DNER: variants seen among roughly 807,000 people sequenced by gnomAD.
The protein encoded by DNER is delta/notch like EGF repeat containing, also known as delta and Notch-like epidermal growth factor-related receptor.
DNER carries 33 observed loss-of-function variants against 78.2 expected under a neutral mutation model. The ratio of observed to expected loss-of-function variants is 0.42; its 90% CI spans 0.32 to 0.56. The LOEUF is 0.56. Ranked by LOEUF, DNER falls within the 20% of genes least tolerant of loss-of-function variation. The pLI is 0.11. For missense variants in DNER, 918 were observed against 975.3 expected, an observed-to-expected ratio of 0.94 and a Z score of 0.78; for synonymous variants, 417 against 384.8, an observed-to-expected ratio of 1.08 and a Z score of -0.98.
intron 1 of DNER, among the ~76,000 whole-genome samples, chr2:229,597,009 GCA>G (rs1301884303): frequency 3.4e-5 from 5 of 145,104 alleles, no homozygotes; most frequent in Admixed American, 6.9e-5. Flanking sequence ...ACATATACAT[GCA>G]CACACACATG....
At chr2:229,366,756 AT>A in intron 12 of DNER, 116 bp downstream of exon 12, 1 of 1,482,628 alleles carries the variant, frequency 6.7e-7, no homozygotes, top group Non-Finnish European at 9.1e-7. Context: ...TGTGGAACCT[AT>A]TTTCCATTCT....
intron 7 of DNER, among the ~76,000 whole-genome samples, chr2:229,458,164 A>G (rs1694616378): frequency 6.9e-6 from 1 of 145,836 alleles, no homozygotes; most frequent in Non-Finnish European, 1.5e-5. Context: ...AAAAAAAAGG[A>G]AAGTAAAAGA....
At chr2:229,612,123 G>A (rs114688038) in intron 1 of DNER, among the ~76,000 whole-genome samples, 2,155 of 152,306 alleles carry the variant, frequency 0.014, 44 homozygotes, top group Middle Eastern at 0.048. Context: ...AGTCCTTAAG[G>A]AGTTAAAGTA....
At chr2:229,576,266 G>C (rs1559171721) in intron 4 of DNER, among the ~76,000 whole-genome samples, 1 of 150,908 alleles carries the variant, frequency 6.6e-6, no homozygotes, top group Admixed American at 6.6e-5. Flanking sequence ...CTGGCCCCCA[G>C]AGCAGGGTAT....
chr2:229,377,242 T>G (rs1314927141), intron 11 of DNER, among the ~76,000 whole-genome samples: 1 of 152,214 alleles, frequency 6.6e-6, no homozygotes, highest in Non-Finnish European at 1.5e-5. Context: ...ATTTCTCAAC[T>G]GCAAAATATC....
chr2:229,485,226 C>T (rs1278229338), intron 6 of DNER, among the ~76,000 whole-genome samples: 1 of 152,162 alleles, frequency 6.6e-6, no homozygotes, highest in Admixed American at 6.5e-5. Context: ...CGGGAAAGCC[C>T]TCAACTCAGG....
At chr2:229,651,414 G>A (rs559714446) in intron 1 of DNER, among the ~76,000 whole-genome samples, 61 of 152,312 alleles carry the variant, frequency 4.0e-4, no homozygotes, top group Non-Finnish European at 6.2e-4. Flanking sequence ...GGACACTTGC[G>A]TGTCCTCTCC....
chr2:229,497,794 T>C (rs192505499), intron 6 of DNER, among the ~76,000 whole-genome samples: 149 of 152,152 alleles, frequency 9.8e-4, no homozygotes, highest in Non-Finnish European at 1.7e-3. Flanking sequence ...AGACCAAGAA[T>C]GAGTAAAAGA....
intron 8 of DNER, among the ~76,000 whole-genome samples, chr2:229,426,120 T>C (rs1693871062): frequency 6.6e-6 from 1 of 151,892 alleles, no homozygotes; most frequent in Admixed American, 6.6e-5. Context: ...TCCTGGGAGA[T>C]CAAATATTCC....
At chr2:229,438,047 A>G (rs1694160372) in intron 8 of DNER, among the ~76,000 whole-genome samples, 1 of 152,228 alleles carries the variant, frequency 6.6e-6, no homozygotes, top group Non-Finnish European at 1.5e-5. Flanking sequence ...TCCGGCAGGC[A>G]TCAAATCAAA....
intron 8 of DNER, among the ~76,000 whole-genome samples, chr2:229,441,610 G>A (rs1694236509): frequency 6.6e-6 from 1 of 152,166 alleles, no homozygotes; most frequent in Non-Finnish European, 1.5e-5. Context: ...GCTGTATTTG[G>A]TAAAGAGGAA....
intron 1 of DNER, among the ~76,000 whole-genome samples, chr2:229,689,516 G>A (rs567047945): frequency 1.3e-5 from 2 of 152,208 alleles, no homozygotes; most frequent in South Asian, 4.2e-4. Flanking sequence ...AACCTGGCAG[G>A]ACATCAAGTC....
chr2:229,586,552 ACAC>A, intron 3 of DNER: 8 of 99,118 alleles, frequency 8.1e-5, no homozygotes, highest in Non-Finnish European at 1.0e-4. Context: ...AAAAAAAAAC[ACAC>A]AAAACCACCC....
intron 5 of DNER, among the ~76,000 whole-genome samples, chr2:229,528,085 A>G (rs1436547602): frequency 6.6e-6 from 1 of 152,238 alleles, no homozygotes; most frequent in Non-Finnish European, 1.5e-5. Flanking sequence ...CTTTCTTCCA[A>G]CAATTATCCT....
intron 4 of DNER, among the ~76,000 whole-genome samples, chr2:229,578,160 C>T (rs1189964997): frequency 6.6e-6 from 1 of 152,142 alleles, no homozygotes; most frequent in Non-Finnish European, 1.5e-5. Context: ...AAGAGAAAAA[C>T]GTATGCTAAG....
At position 229,714,173 on chromosome 2, in the gene DNER, G is replaced by A. The variant is rs1699954920; in HGVS notation, c.251C>T (p.Ala84Val). ...CTGGCAGTTGGCGCCGGAGATCCCG[G>A]CGGGGCAGGTGCAGCTGTAGCCAGG... ...GEPGYSCTCP[A>V]GISGANCQLV... Residue 84 changes from alanine to valine, a missense_variant, in exon 1 of 13, where the codon GCC becomes GTC. Coordinates refer to ENST00000341772, the MANE Select transcript of DNER (RefSeq NM_139072.4). The A allele has an allele frequency of 3.8e-6, 5 of 1,332,532 alleles. No homozygotes were observed. The highest frequency in any genetic ancestry group is 4.8e-6 in the Non-Finnish European group (5 of 1,046,452). The allele number at this position is 1,332,532 out of a possible 1,614,324, so 82.5% of individuals were successfully genotyped here.
intron 6 of DNER, among the ~76,000 whole-genome samples, chr2:229,482,298 A>G (rs900374913): frequency 7.2e-5 from 11 of 152,228 alleles, no homozygotes; most frequent in African/African-American, 2.4e-4. Context: ...CCCTGTCTTC[A>G]CTGCCACACT....
chr2:229,652,037 C>G (rs1284924276), intron 1 of DNER, among the ~76,000 whole-genome samples: 2 of 152,106 alleles, frequency 1.3e-5, no homozygotes, highest in Non-Finnish European at 2.9e-5. Flanking sequence ...CTGGTCATTA[C>G]TGTAGCATTT....
intron 1 of DNER, among the ~76,000 whole-genome samples, chr2:229,688,165 C>T (rs539883800): frequency 7.9e-5 from 12 of 152,344 alleles, no homozygotes; most frequent in South Asian, 4.1e-4. Context: ...ACGGACCTTC[C>T]TGGAAAGGAC....
Sources: gnomAD v4.1 joint callset for allele counts (sites outside exome capture counted in the v4.1 genomes callset) on GRCh38, gnomAD v4.1.1 for gene constraint, MANE v1.5 for transcripts, NCBI Gene and HGNC (gene_info 2026-07-23, HGNC 2026-07-21) for gene names.